Variants in SEMA3E observed in about 807,000 individuals in gnomAD.
SEMA3E encodes the protein semaphorin 3E.
Under a neutral mutation model 93.6 loss-of-function variants are expected in SEMA3E, and 49 were observed. That is an observed-to-expected ratio of 0.52 (90% CI 0.42 to 0.66). The LOEUF (loss-of-function observed/expected upper bound fraction) is 0.66. Among genes scored for constraint, SEMA3E ranks in the 30% least tolerant of loss-of-function variants. The pLI is 0.00. For synonymous variants in SEMA3E, 363 were observed against 330.7 expected (o/e 1.10, Z -1.06); for missense variants, 906 against 964.8 (o/e 0.94, Z 0.81).
chr7:83,425,607 G>A (rs190141801), intron 4 of SEMA3E, among the ~76,000 whole-genome samples: 7 of 152,184 alleles, frequency 4.6e-5, no homozygotes, highest in African/African-American at 1.4e-4. Context: ...TTTTATATAA[G>A]GGATTTTATA....
At chr7:83,374,704 T>C (rs544211606) in intron 16 of SEMA3E, among the ~76,000 whole-genome samples, 1 of 152,292 alleles carries the variant, frequency 6.6e-6, no homozygotes, top group Non-Finnish European at 1.5e-5. Flanking sequence ...ATACATTTAC[T>C]TTTACAGTTC....
intron 3 of SEMA3E, among the ~76,000 whole-genome samples, chr7:83,467,053 C>A (rs975678987): frequency 8.5e-6 from 1 of 118,038 alleles, no homozygotes; most frequent in African/African-American, 2.9e-5. Flanking sequence ...TGGAAATATG[C>A]AGTCTTTTTT....
chr7:83,474,178 G>A lies in SEMA3E; in HGVS notation c.277-4876C>T, dbSNP rs138725219. ...CCATGCCCCATAAAATATCAGATAA[G>A]GCATGTAAATCCCAGAAGTGAAAGA... On this transcript the variant is annotated intron_variant, in intron 2 of 16. Transcript: ENST00000643230. 2.7e-3 allele frequency among the ~76,000 whole-genome samples: 407 copies of A among 150,764 alleles called. 3 individuals are homozygous for A. The highest frequency in any genetic ancestry group is 9.2e-3 in the African/African-American group (378 of 41,028).
At chr7:83,545,668 T>C (rs1791632711) in intron 1 of SEMA3E, among the ~76,000 whole-genome samples, 1 of 150,918 alleles carries the variant, frequency 6.6e-6, no homozygotes, top group African/African-American at 2.4e-5. Flanking sequence ...AGGGCTCTCT[T>C]GCCTCTACTG....
chr7:83,563,803 TAG>T (rs1792084679), intron 1 of SEMA3E, among the ~76,000 whole-genome samples: 1 of 152,186 alleles, frequency 6.6e-6, no homozygotes, highest in South Asian at 2.1e-4. Context: ...TCTCTAAACT[TAG>T]ACTCTTTCCA....
At chr7:83,473,207 G>A (rs533505894) in intron 2 of SEMA3E, among the ~76,000 whole-genome samples, 1 of 152,154 alleles carries the variant, frequency 6.6e-6, no homozygotes, top group Non-Finnish European at 1.5e-5. Flanking sequence ...GGCCTCTCAA[G>A]ATATCATTAA....
intron 2 of SEMA3E, among the ~76,000 whole-genome samples, chr7:83,477,201 T>G (rs574700340): frequency 1.3e-4 from 20 of 152,248 alleles, no homozygotes; most frequent in Admixed American, 1.2e-3. Flanking sequence ...ATAAAACAAT[T>G]CAGTTAATAT....
chr7:83,444,012 T>G (rs2115794148), intron 4 of SEMA3E, among the ~76,000 whole-genome samples: 1 of 152,016 alleles, frequency 6.6e-6, no homozygotes, highest in East Asian at 1.9e-4. Flanking sequence ...GAAGATATAG[T>G]TAGAAATGAC....
chr7:83,428,720 G>C (rs1788824233), intron 4 of SEMA3E, among the ~76,000 whole-genome samples: 1 of 152,044 alleles, frequency 6.6e-6, no homozygotes, highest in Non-Finnish European at 1.5e-5. Flanking sequence ...AAGGCTAATA[G>C]TTTTGCATTT....
At chr7:83,417,836 C>A (rs997395448) in intron 5 of SEMA3E, among the ~76,000 whole-genome samples, 1 of 152,194 alleles carries the variant, frequency 6.6e-6, no homozygotes, top group South Asian at 2.1e-4. Flanking sequence ...TTTATCAACT[C>A]ATGTCATTAT....
intron 4 of SEMA3E, among the ~76,000 whole-genome samples, chr7:83,429,137 C>T (rs573601964): frequency 7.4e-4 from 113 of 152,108 alleles, no homozygotes; most frequent in African/African-American, 2.4e-3. Context: ...CATTTTCAAA[C>T]GTTTGTAAGT....
chr7:83,463,211 G>A (rs563107207), intron 4 of SEMA3E, among the ~76,000 whole-genome samples: 8 of 151,440 alleles, frequency 5.3e-5, no homozygotes, highest in African/African-American at 1.7e-4. Flanking sequence ...TGGTTAGCGC[G>A]GTCAGAATTC....
At chr7:83,459,265 G>C (rs1789560079) in intron 4 of SEMA3E, among the ~76,000 whole-genome samples, 1 of 151,870 alleles carries the variant, frequency 6.6e-6, no homozygotes, top group African/African-American at 2.4e-5. Flanking sequence ...GAGATTAGAA[G>C]ACAAAGCAGT....
At position 83,466,568 on chromosome 7, in the gene SEMA3E, G is replaced by T. The variant is rs1194329595; in HGVS notation, c.370C>A (p.His124Asn). Residue 124 changes from histidine to asparagine, a missense_variant, in exon 4 of 17, where the codon CAC becomes AAC. His to Asn is a moderately conservative substitution (Grantham distance 68). Transcript: ENST00000643230. Reference protein sequence around the residue: ...ECANYVRVLHHYNRTHLLTCG... With the variant: ...ECANYVRVLHNYNRTHLLTCG... ...GTCAGAAGGTGTGTCCTGTTATAGTGATGCAAAACCCGAACATAATTTGCA... is the reference window on the plus strand; with the variant it reads ...GTCAGAAGGTGTGTCCTGTTATAGTTATGCAAAACCCGAACATAATTTGCA... 6.2e-7 allele frequency: 1 copy of T among 1,613,888 alleles called. No individual in the cohort carries two copies. Among genetic ancestry groups the T allele is most frequent in the Non-Finnish European group, 8.5e-7 (1 of 1,180,002 alleles).
At chr7:83,414,021 A>C (rs955669580) in intron 5 of SEMA3E, among the ~76,000 whole-genome samples, 4 of 152,348 alleles carry the variant, frequency 2.6e-5, no homozygotes, top group Admixed American at 6.5e-5. Context: ...GCCAGAAGCT[A>C]CAATAAGCAT....
At chr7:83,449,014 C>T (rs1391733961) in intron 4 of SEMA3E, among the ~76,000 whole-genome samples, 2 of 151,952 alleles carry the variant, frequency 1.3e-5, no homozygotes, top group African/African-American at 4.8e-5. Context: ...TTACTACTGG[C>T]CAAATACAAA....
intron 1 of SEMA3E, among the ~76,000 whole-genome samples, chr7:83,603,218 T>A (rs946889084): frequency 6.6e-6 from 1 of 152,114 alleles, no homozygotes; most frequent in Admixed American, 6.5e-5. Context: ...TGTACATCAA[T>A]AGCTCTCACC....
intron 1 of SEMA3E, among the ~76,000 whole-genome samples, chr7:83,612,241 T>C (rs917490179): frequency 6.6e-6 from 1 of 152,162 alleles, no homozygotes; most frequent in African/African-American, 2.4e-5. Flanking sequence ...ATATAATATC[T>C]TCCCCTACCA....
intron 1 of SEMA3E, among the ~76,000 whole-genome samples, chr7:83,548,683 C>T (rs12112597): frequency 1.3e-3 from 201 of 152,232 alleles, no homozygotes; most frequent in African/African-American, 4.6e-3. Flanking sequence ...GTTTCTAAAA[C>T]TTGAGCACTG....
Sources: gnomAD v4.1 joint callset for allele counts (sites outside exome capture counted in the v4.1 genomes callset) on GRCh38, gnomAD v4.1.1 for gene constraint, MANE v1.5 for transcripts, NCBI Gene and HGNC (gene_info 2026-07-23, HGNC 2026-07-21) for gene names.